Variants in NUP205 observed in about 807,000 individuals in gnomAD.
NUP205 encodes the protein nuclear pore complex protein Nup205.
NUP205 carries 76 observed loss-of-function variants against 253.8 expected under a neutral mutation model. That is an observed-to-expected ratio of 0.30 (90% CI 0.25 to 0.36). The LOEUF (loss-of-function observed/expected upper bound fraction) is 0.36. Among genes scored for constraint, NUP205 ranks in the 10% least tolerant of loss-of-function variants. The pLI is 1.00. For synonymous variants in NUP205, 832 were observed against 850.1 expected (o/e 0.98, Z 0.37); for missense variants, 2,162 against 2,425.5 (o/e 0.89, Z 2.28).
At chr7:135,610,120 C>G (rs1256726825) in intron 22 of NUP205, among the ~76,000 whole-genome samples, 1 of 152,158 alleles carries the variant, frequency 6.6e-6, no homozygotes, top group African/African-American at 2.4e-5. Context: ...ATTTGGAAAT[C>G]TGAATTTTTG....
At chr7:135,568,470 T>G (rs1271852160) in intron 1 of NUP205, among the ~76,000 whole-genome samples, 1 of 151,664 alleles carries the variant, frequency 6.6e-6, no homozygotes, top group Non-Finnish European at 1.5e-5. Flanking sequence ...TACCTGGGAT[T>G]ACAGGTGTGC....
intron 31 of NUP205, among the ~76,000 whole-genome samples, 160 bp from the exon 32 acceptor site, chr7:135,625,004 A>G (rs1175991149): frequency 1.3e-5 from 2 of 152,072 alleles, no homozygotes; most frequent in Non-Finnish European, 2.9e-5. Flanking sequence ...ATAGTTTTTA[A>G]CTTCTCAAAA....
intron 1 of NUP205, among the ~76,000 whole-genome samples, chr7:135,570,825 T>A (rs2129489713): frequency 8.9e-6 from 1 of 112,414 alleles, no homozygotes; most frequent in East Asian, 2.1e-4. Flanking sequence ...TATATTAATA[T>A]ATAAATTATA....
In NUP205 at chr7:135,591,541, A is replaced by G. The variant is rs139076870; in HGVS notation, c.1565A>G (p.Asn522Ser). The change falls in exon 11 of 43, where the codon AAT becomes AGT. Residue 522 changes from asparagine to serine, a missense_variant. Physicochemically the swap from Asn to Ser is conservative, Grantham distance 46. Around this residue, in one of 5 missense-constraint regions of NUP205, gnomAD observed 892 missense variants for 957.1 expected, o/e 0.93. Transcript: ENST00000285968. ...PYLKMLQGLANGPQCAHYCFS... is the reference protein window; with the variant it reads ...PYLKMLQGLASGPQCAHYCFS... ...TTGAAGATGCTCCAGGGATTGGCCA[A>G]TGGGCCTCAGTGTGCCCACTACTGT... The G allele has an allele frequency of 7.1e-5, 115 of 1,613,890 alleles. No individual in the cohort carries two copies. Among genetic ancestry groups the G allele is most frequent in the Non-Finnish European group, 9.1e-5 (107 of 1,179,898 alleles).
chr7:135,578,141 G>A, intron 6 of NUP205, 117 bp downstream of exon 6: 1 of 664,102 alleles, frequency 1.5e-6, no homozygotes, highest in South Asian at 1.9e-5. Context: ...TCCTGTGTTT[G>A]CAGTCCGTTC....
chr7:135,619,936 C>T, intron 30 of NUP205, 48 bp downstream of exon 30: 1 of 1,205,628 alleles, frequency 8.3e-7, no homozygotes, highest in Non-Finnish European at 1.2e-6. Flanking sequence ...GAGATGGTTA[C>T]TTTAAATTGA....
chr7:135,558,222 A>T, intron 1 of NUP205: 1 of 555,220 alleles, frequency 1.8e-6, no homozygotes, highest in Non-Finnish European at 3.3e-6. Context: ...CAGGTGTGTA[A>T]TCTCTCACAG....
chr7:135,567,240 A>G (rs538329495), intron 1 of NUP205, among the ~76,000 whole-genome samples: 1 of 137,850 alleles, frequency 7.3e-6, no homozygotes, highest in Admixed American at 7.6e-5. Context: ...TAAATAATCC[A>G]TCTCCACTGG....
chr7:135,565,734 G>A (rs1805738397), intron 1 of NUP205, among the ~76,000 whole-genome samples: 1 of 152,078 alleles, frequency 6.6e-6, no homozygotes, highest in African/African-American at 2.4e-5. Flanking sequence ...TCTTATCCTT[G>A]TTTCCTGACA....
At position 135,626,368 on chromosome 7, in the gene NUP205, G is replaced by T. The variant is rs911084661; in HGVS notation, c.4793+7G>T. On this transcript the variant is annotated splice_region_variant and intron_variant, in intron 33 of 42. Coordinates refer to ENST00000285968, the MANE Select transcript of NUP205 (RefSeq NM_015135.3). ...CAGAAACGGACCCGCAGAGGTAAGT[G>T]TCTGTATAGATTAATTTGGTTAAAC... The T allele has an allele frequency of 6.2e-7, 1 of 1,611,434 alleles. No individual in the cohort carries two copies. Among genetic ancestry groups the T allele is most frequent in the Non-Finnish European group, 8.5e-7 (1 of 1,179,300 alleles).
intron 20 of NUP205, 85 bp downstream of exon 20, chr7:135,606,311 T>G (rs1392038170): frequency 2.2e-6 from 2 of 899,656 alleles, no homozygotes; most frequent in African/African-American, 3.3e-5. Flanking sequence ...AATTGTTAAC[T>G]GTTTTAGTGA....
intron 35 of NUP205, 30 bp from the exon 36 acceptor site, chr7:135,635,551 A>G (rs1037232349): frequency 1.7e-6 from 2 of 1,179,240 alleles, no homozygotes; most frequent in Non-Finnish European, 2.5e-6. Flanking sequence ...TATTATAATA[A>G]TATGTTTTAA....
chr7:135,594,840 C>A, intron 13 of NUP205, 111 bp downstream of exon 13: 1 of 775,824 alleles, frequency 1.3e-6, no homozygotes, highest in East Asian at 2.6e-5. Flanking sequence ...CATGAACATC[C>A]CAACTAGAGT....
In NUP205 at chr7:135,630,475, GTTGA is replaced by G. The variant is rs780831478; in HGVS notation, c.5059+8_5059+11del. ...TAAGTAAAGCAGCACTTCCTGGTGAGTTGATTATGTTGAAAGGATTTTTAATAAT... is the reference window on the plus strand; with the variant it reads ...TAAGTAAAGCAGCACTTCCTGGTGAGTTATGTTGAAAGGATTTTTAATAAT... On this transcript the variant is annotated splice_donor_region_variant and intron_variant, in intron 35 of 42. Coordinates refer to ENST00000285968, the MANE Select transcript of NUP205 (RefSeq NM_015135.3). 6.3e-7 allele frequency: 1 copy of G among 1,582,498 alleles called. No homozygotes were observed. Among genetic ancestry groups the G allele is most frequent in the South Asian group, 1.2e-5 (1 of 85,704 alleles).
At chr7:135,572,097 G>A (rs1563110872) in intron 2 of NUP205, among the ~76,000 whole-genome samples, 1 of 151,680 alleles carries the variant, frequency 6.6e-6, no homozygotes, top group Non-Finnish European at 1.5e-5. Flanking sequence ...GGCCTCAGGT[G>A]ATCTTCCTGC....
At chr7:135,591,840 A>C (rs928535437) in intron 11 of NUP205, among the ~76,000 whole-genome samples, 1 of 152,250 alleles carries the variant, frequency 6.6e-6, no homozygotes, top group Non-Finnish European at 1.5e-5. Flanking sequence ...ATTTTGACAA[A>C]TCAGAATTAA....
rs1337869126 is a variant in NUP205 at position 135,643,296 on chromosome 7, C to G, written c.5497C>G (p.His1833Asp). ...TGATTTCTTCAGCTATTATGACAGT[C>G]ATCGACAGAGTGTCAGCAAGCTACA... is the stretch of plus-strand genomic sequence containing the variant. The part of the protein sequence containing the change: ...ANDFFSYYDS[H>D]RQSVSKLQNV... Residue 1833 changes from histidine (H) to aspartate (D), a missense_variant, in exon 39 of 43, where the codon CAT becomes GAT. Around this residue, in one of 5 missense-constraint regions of NUP205, gnomAD observed 1,144 missense variants for 1,280.9 expected, o/e 0.89. Coordinates refer to ENST00000285968, the MANE Select transcript of NUP205 (RefSeq NM_015135.3). 1 of 1,614,092 alleles carries G rather than the reference C, an allele frequency of 6.2e-7. No individual in the cohort carries two copies. Among genetic ancestry groups the G allele is most frequent in the South Asian group, 1.1e-5 (1 of 91,076 alleles).
chr7:135,617,297 T>G (rs1363328767), intron 26 of NUP205, 50 bp downstream of exon 26: 1 of 1,528,940 alleles, frequency 6.5e-7, no homozygotes, highest in South Asian at 1.2e-5. Context: ...GGCTCAGACT[T>G]TAAGTCATCA....
At chr7:135,628,228 C>A in intron 34 of NUP205, 117 bp downstream of exon 34, 1 of 950,558 alleles carries the variant, frequency 1.1e-6, no homozygotes, top group Non-Finnish European at 1.5e-6. Context: ...ATGTTTGTGG[C>A]AGAGCAGGGT....
Sources: gnomAD v4.1 joint callset for allele counts (sites outside exome capture counted in the v4.1 genomes callset) on GRCh38, gnomAD v4.1.1 for gene constraint, gnomAD v4.1.1 regional missense constraint, MANE v1.5 for transcripts, NCBI Gene and HGNC (gene_info 2026-07-23, HGNC 2026-07-21) for gene names.